The following ODAD4 variants were observed in gnomAD, a reference collection of about 807,000 sequenced individuals.
ODAD4 encodes the protein outer dynein arm-docking complex subunit 4.
In ODAD4, 49 loss-of-function variants were observed where a neutral mutation model predicts 51.8. The observed-to-expected ratio is 0.95, with a 90% CI of 0.75 to 1.20. The LOEUF (loss-of-function observed/expected upper bound fraction) is 1.20. ODAD4 is among the 50% of genes most tolerant of loss of function. ODAD4 has a pLI of 0.00. For synonymous variants in ODAD4, 235 were observed against 221.3 expected, an observed-to-expected ratio of 1.06 and a Z score of -0.55; for missense variants, 590 against 586.5, an observed-to-expected ratio of 1.01 and a Z score of -0.06.
At chr17:41,962,034 C>G (rs1244669034) in intron 11 of ODAD4, among the ~76,000 whole-genome samples, 3 of 152,174 alleles carry the variant, frequency 2.0e-5, no homozygotes, top group Admixed American at 6.5e-5. Flanking sequence ...CAGCAGGGAA[C>G]AGCAGGGCCA....
At chr17:41,935,126 C>T (rs2050405929) in intron 1 of ODAD4, 91 bp from the exon 2 acceptor site, 5 of 1,466,042 alleles carry the variant, frequency 3.4e-6, no homozygotes, top group East Asian at 4.6e-5. Flanking sequence ...TGAAGAAATC[C>T]CCTCTGCAGG....
intron 1 of ODAD4, among the ~76,000 whole-genome samples, chr17:41,933,854 G>A (rs954498269): frequency 4.5e-4 from 68 of 151,868 alleles, no homozygotes; most frequent in African/African-American, 1.5e-3. Flanking sequence ...GATGCCTCAG[G>A]AAGGACAGTA....
intron 10 of ODAD4, among the ~76,000 whole-genome samples, chr17:41,956,862 C>G (rs1197365869): frequency 6.6e-6 from 1 of 151,958 alleles, no homozygotes; most frequent in Non-Finnish European, 1.5e-5. Flanking sequence ...GGATTACAGG[C>G]ATGGGCCACT....
intron 7 of ODAD4, among the ~76,000 whole-genome samples, chr17:41,940,363 G>T (rs564874401): frequency 1.3e-5 from 2 of 152,260 alleles, no homozygotes; most frequent in South Asian, 4.2e-4. Context: ...CCTTTGCTTG[G>T]CCCTCAGGCC....
chr17:41,960,784 C>G (rs909576871), intron 10 of ODAD4, among the ~76,000 whole-genome samples: 2 of 152,156 alleles, frequency 1.3e-5, no homozygotes, highest in African/African-American at 4.8e-5. Flanking sequence ...TGCATCCAGG[C>G]CCCGGAGCTG....
At chr17:41,949,579 G>A (rs2050627913) in intron 9 of ODAD4, among the ~76,000 whole-genome samples, 1 of 152,150 alleles carries the variant, frequency 6.6e-6, no homozygotes, top group African/African-American at 2.4e-5. Flanking sequence ...CCTTGAGGAG[G>A]TCAGCTGCAG....
At chr17:41,933,287 T>C (rs987465293) in intron 1 of ODAD4, among the ~76,000 whole-genome samples, 2 of 151,474 alleles carry the variant, frequency 1.3e-5, no homozygotes, top group South Asian at 2.1e-4. Context: ...AGACAGAGGG[T>C]TGCAGTGAGC....
chr17:41,952,540 C>CAAAAAAAAAAAAAAAAAAAA (rs11369140), intron 9 of ODAD4: 6 of 113,862 alleles, frequency 5.3e-5, no homozygotes, highest in South Asian at 9.7e-5. Context: ...ACCCTCACTC[C>CAAAAAAAAAAAAAAAAAAAA]AAAAAAAAAA....
intron 8 of ODAD4, among the ~76,000 whole-genome samples, chr17:41,945,651 C>T (rs1555639410): frequency 6.6e-6 from 1 of 152,208 alleles, no homozygotes; most frequent in Admixed American, 6.5e-5. Flanking sequence ...GTAATCCCAG[C>T]ACTTTGGGAG....
intron 7 of ODAD4, among the ~76,000 whole-genome samples, chr17:41,943,213 C>T (rs1441031303): frequency 1.3e-5 from 2 of 152,170 alleles, no homozygotes; most frequent in Admixed American, 6.5e-5. Flanking sequence ...TGTACATATG[C>T]AGGATTTTTT....
Position 41,936,916 on chromosome 17 carries a change from T to C in ODAD4, c.614T>C (p.Leu205Pro), listed in dbSNP as rs782075155. 6.2e-7 allele frequency: 1 copy of C among 1,613,834 alleles called. No individual in the cohort carries two copies. Among genetic ancestry groups the C allele is most frequent in the Non-Finnish European group, 8.5e-7 (1 of 1,179,788 alleles). Residue 205 changes from leucine to proline, a missense_variant, in exon 5 of 12, where the codon CTA (leucine) becomes CCA (proline). Coordinates refer to ENST00000377540, the MANE Select transcript of ODAD4 (RefSeq NM_031421.5). ...YVDKEYLEKL[L>P]LDEDLIKGTM... ...GACAAAGAGTATTTGGAGAAGCTCCTATTGGATGAAGGTTTCGGACACTTT... is the reference window on the plus strand; with the variant it reads ...GACAAAGAGTATTTGGAGAAGCTCCCATTGGATGAAGGTTTCGGACACTTT...
intron 11 of ODAD4, among the ~76,000 whole-genome samples, chr17:41,962,707 G>A (rs938965532): frequency 6.6e-6 from 1 of 152,174 alleles, no homozygotes; most frequent in African/African-American, 2.4e-5. Context: ...GAACCCACGC[G>A]TCGGCCCGTG....
intron 10 of ODAD4, among the ~76,000 whole-genome samples, chr17:41,955,925 G>A (rs2050726299): frequency 6.6e-6 from 1 of 151,550 alleles, no homozygotes; most frequent in Admixed American, 6.6e-5. Context: ...TTATCCTCCT[G>A]CCTCATTTTA....
chr17:41,961,506 TC>T (rs782807405), intron 11 of ODAD4, 40 bp downstream of exon 11: 2 of 718,094 alleles, frequency 2.8e-6, no homozygotes, highest in African/African-American at 1.7e-5. Context: ...TTCAGCATTC[TC>T]CCTCTGCTTT....
At chr17:41,959,231 A>G (rs2050773452) in intron 10 of ODAD4, among the ~76,000 whole-genome samples, 1 of 152,214 alleles carries the variant, frequency 6.6e-6, no homozygotes, top group South Asian at 2.1e-4. Context: ...TCTGCACACC[A>G]ACTTCACAGG....
At chr17:41,959,534 A>G (rs191640738) in intron 10 of ODAD4, among the ~76,000 whole-genome samples, 15 of 152,338 alleles carry the variant, frequency 9.8e-5, no homozygotes, top group South Asian at 2.1e-4. Flanking sequence ...GGACACTCCC[A>G]GTGGGAGGAA....
At chr17:41,957,933 T>A (rs1472718464) in intron 10 of ODAD4, among the ~76,000 whole-genome samples, 1 of 152,126 alleles carries the variant, frequency 6.6e-6, no homozygotes, top group African/African-American at 2.4e-5. Context: ...GCCTGGCTGA[T>A]ATTTTTAATT....
At chr17:41,964,553 G>A (rs2050849082) in intron 11 of ODAD4, among the ~76,000 whole-genome samples, 1 of 152,218 alleles carries the variant, frequency 6.6e-6, no homozygotes, top group Non-Finnish European at 1.5e-5. Context: ...CCAATTTAAA[G>A]AGCTGGCAAA....
At chr17:41,937,416 GACAA>G (rs1467422641) in intron 5 of ODAD4, among the ~76,000 whole-genome samples, 1 of 152,200 alleles carries the variant, frequency 6.6e-6, no homozygotes, top group Admixed American at 6.5e-5. Flanking sequence ...TTCATAAGTT[GACAA>G]ACAAGTTCAT....
Sources: gnomAD v4.1 joint callset for allele counts (sites outside exome capture counted in the v4.1 genomes callset) on GRCh38, gnomAD v4.1.1 for gene constraint, MANE v1.5 for transcripts, NCBI Gene and HGNC (gene_info 2026-07-23, HGNC 2026-07-21) for gene names.